The following ZNF804B variants were observed in gnomAD, a reference collection of about 807,000 sequenced individuals.
ZNF804B encodes the protein zinc finger protein 804B.
Under a neutral mutation model 101.4 loss-of-function variants are expected in ZNF804B, and 80 were observed. The ratio of observed to expected loss-of-function variants is 0.79; its 90% confidence interval spans 0.66 to 0.95. The LOEUF (loss-of-function observed/expected upper bound fraction) is 0.95. ZNF804B is among the 40% of genes least tolerant of loss of function. The pLI, the probability that ZNF804B is intolerant of heterozygous loss-of-function variation, is 0.00. For synonymous variants in ZNF804B, 622 were observed against 558.8 expected, an observed-to-expected ratio of 1.11 and a Z score of -1.59; for missense variants, 1,673 against 1,561.9, an observed-to-expected ratio of 1.07 and a Z score of -1.20.
intron 1 of ZNF804B, among the ~76,000 whole-genome samples, chr7:89,104,111 G>A (rs752898998): frequency 2.0e-5 from 3 of 151,910 alleles, no homozygotes; most frequent in Admixed American, 6.6e-5. Context: ...TCTTTTTGAT[G>A]TACTGTTGGA....
At chr7:88,795,586 T>C (rs547597319) in intron 1 of ZNF804B, 54 of 152,162 alleles carry the variant, frequency 3.5e-4, no homozygotes, top group African/African-American at 1.3e-3. Flanking sequence ...ATTCTGCTAC[T>C]TTAACTTACT....
intron 2 of ZNF804B, among the ~76,000 whole-genome samples, chr7:89,220,163 G>GTA (rs1788981858): frequency 2.3e-5 from 1 of 42,980 alleles, no homozygotes; most frequent in African/African-American, 9.7e-5. Context: ...ATATATATAC[G>GTA]CACATATATA....
chr7:88,880,916 C>T (rs1001663503), intron 1 of ZNF804B, among the ~76,000 whole-genome samples: 15 of 151,840 alleles, frequency 9.9e-5, no homozygotes, highest in East Asian at 1.9e-4. Flanking sequence ...ATTCTTTAAA[C>T]GTTAAGGCAT....
chr7:89,257,960 C>T (rs1041995624), intron 2 of ZNF804B, among the ~76,000 whole-genome samples: 2 of 151,982 alleles, frequency 1.3e-5, no homozygotes, highest in African/African-American at 2.4e-5. Flanking sequence ...CATAAAGTCA[C>T]CCCATCCAAA....
intron 1 of ZNF804B, among the ~76,000 whole-genome samples, chr7:89,010,817 G>A (rs901045912): frequency 6.6e-6 from 1 of 152,236 alleles, no homozygotes; most frequent in South Asian, 2.1e-4. Context: ...ATAAAATTTA[G>A]TGTTTCAAAT....
At chr7:88,922,608 TAC>T (rs1792734838) in intron 1 of ZNF804B, among the ~76,000 whole-genome samples, 5 of 136,526 alleles carry the variant, frequency 3.7e-5, no homozygotes, top group African/African-American at 1.4e-4. Context: ...TAATTACAGA[TAC>T]ATATATATAT....
At chr7:88,893,783 CAG>C (rs1792247468) in intron 1 of ZNF804B, among the ~76,000 whole-genome samples, 1 of 152,102 alleles carries the variant, frequency 6.6e-6, no homozygotes, top group African/African-American at 2.4e-5. Flanking sequence ...CTTTATAAAA[CAG>C]AGGAAACAGT....
At chr7:89,221,484 A>G (rs373811141) in intron 2 of ZNF804B, among the ~76,000 whole-genome samples, 1 of 152,022 alleles carries the variant, frequency 6.6e-6, no homozygotes, top group East Asian at 1.9e-4. Context: ...AATAGAAGCT[A>G]AGGTGAGAAA....
At chr7:89,014,677 G>A (rs1400924828) in intron 1 of ZNF804B, among the ~76,000 whole-genome samples, 1 of 152,154 alleles carries the variant, frequency 6.6e-6, no homozygotes, top group Non-Finnish European at 1.5e-5. Flanking sequence ...TGTCTGTTCA[G>A]ATCATTTGCC....
intron 1 of ZNF804B, among the ~76,000 whole-genome samples, chr7:88,899,321 C>T (rs549084944): frequency 6.6e-6 from 1 of 152,142 alleles, no homozygotes; most frequent in East Asian, 1.9e-4. Context: ...CGGTGGTTAC[C>T]TAGTCACCTT....
intron 2 of ZNF804B, among the ~76,000 whole-genome samples, chr7:89,222,675 CT>C (rs1789022255): frequency 6.6e-6 from 1 of 151,888 alleles, no homozygotes; most frequent in African/African-American, 2.4e-5. Context: ...CTGAAGTGCC[CT>C]CTTGTCTTGT....
intron 1 of ZNF804B, among the ~76,000 whole-genome samples, chr7:88,933,409 A>G (rs1006512171): frequency 4.6e-5 from 7 of 151,968 alleles, no homozygotes; most frequent in Non-Finnish European, 1.0e-4. Context: ...AACCACTTCT[A>G]TTGAACCTAG....
chr7:88,854,414 C>CTTCCTTTCTTTCTTTCTTCCTTTCTTT (rs1791502231), intron 1 of ZNF804B, among the ~76,000 whole-genome samples: 1 of 57,076 alleles, frequency 1.8e-5, no homozygotes. Context: ...TTTCTTTCTT[C>CTTCCTTTCTTTCTTTCTTCCTTTCTTT]CTTTCTTTCT....
intron 1 of ZNF804B, among the ~76,000 whole-genome samples, chr7:89,008,012 A>G (rs1259279279): frequency 6.6e-6 from 1 of 152,158 alleles, no homozygotes; most frequent in African/African-American, 2.4e-5. Flanking sequence ...TCTCATGACA[A>G]TCAGTCTTGT....
intron 1 of ZNF804B, among the ~76,000 whole-genome samples, chr7:89,078,580 GATAAA>G (rs1043093464): frequency 1.3e-5 from 2 of 150,242 alleles, no homozygotes; most frequent in African/African-American, 4.9e-5. Flanking sequence ...TAAATAAAAT[GATAAA>G]ATGAGATGTT....
At chr7:88,965,409 A>G (rs1452564865) in intron 1 of ZNF804B, among the ~76,000 whole-genome samples, 5 of 151,470 alleles carry the variant, frequency 3.3e-5, no homozygotes, top group African/African-American at 1.2e-4. Context: ...TAGAGTGGAT[A>G]TAGGGCTAGG....
At chr7:89,176,587 C>CTTTTTTTTTTTTTTTTTT (rs142696289) in intron 1 of ZNF804B, among the ~76,000 whole-genome samples, 45 of 53,988 alleles carry the variant, frequency 8.3e-4, no homozygotes, top group African/African-American at 1.5e-3. Context: ...TTCTTTCTTT[C>CTTTTTTTTTTTTTTTTTT]TTTCTTTTTT....
At position 89,334,312 on chromosome 7, in the gene ZNF804B, C is replaced by A; in HGVS notation, c.1330C>A (p.Leu444Ile). 6.2e-7 allele frequency: 1 copy of A among 1,613,862 alleles called. No individual in the cohort carries two copies. The highest frequency in any genetic ancestry group is 1.7e-5 in the Admixed American group (1 of 59,944). ...TGTGGCATCTAAACCACTACCTTTT[C>A]TCCACGTTCAAAGCAAGGATGGCCA... is the stretch of plus-strand genomic sequence containing the variant. ...HNVASKPLPF[L>I]HVQSKDGHTT... Residue 444 changes from leucine (L) to isoleucine (I), a missense_variant, in exon 4 of 4, where the codon CTC becomes ATC. By Grantham distance (5) the Leu-to-Ile change is conservative. Coordinates refer to ENST00000333190, the MANE Select transcript of ZNF804B (RefSeq NM_181646.5).
At chr7:89,265,291 T>TGTGTGTGTGTGTGC (rs1554386380) in intron 2 of ZNF804B, among the ~76,000 whole-genome samples, 78 of 63,730 alleles carry the variant, frequency 1.2e-3, no homozygotes, top group African/African-American at 4.5e-3. Context: ...TGTGTGTGTG[T>TGTGTGTGTGTGTGC]GTGCGCGTGC....
Sources: gnomAD v4.1 joint callset for allele counts (sites outside exome capture counted in the v4.1 genomes callset) on GRCh38, gnomAD v4.1.1 for gene constraint, MANE v1.5 for transcripts, NCBI Gene and HGNC (gene_info 2026-07-23, HGNC 2026-07-21) for gene names.